Variants in NKAIN2 observed in about 807,000 individuals in gnomAD.
The protein encoded by NKAIN2 is sodium/potassium-transporting ATPase subunit beta-1-interacting protein 2.
NKAIN2 carries 14 observed loss-of-function variants against 32.6 expected under a neutral mutation model. The observed-to-expected ratio is 0.43, with a 90% confidence interval of 0.28 to 0.67. NKAIN2 has a LOEUF of 0.67. Among genes scored for constraint, NKAIN2 ranks in the 30% least tolerant of loss-of-function variants. The probability of loss-of-function intolerance (pLI) is 0.17; values close to 1 mark genes in which losing one functional copy is unlikely to be tolerated. For synonymous variants in NKAIN2, 80 were observed against 87.2 expected (o/e 0.92, Z 0.46); for missense variants, 198 against 258.3 (o/e 0.77, Z 1.60).
chr6:123,975,436 A>T, intron 1 of NKAIN2, among the ~76,000 whole-genome samples: 1 of 152,306 alleles, frequency 6.6e-6, no homozygotes, highest in East Asian at 1.9e-4. Context: ...TTAATTACAG[A>T]TTTAAAATCA....
intron 1 of NKAIN2, among the ~76,000 whole-genome samples, chr6:124,204,923 A>G (rs1790779219): frequency 6.6e-6 from 1 of 151,592 alleles, no homozygotes; most frequent in African/African-American, 2.4e-5. Context: ...GAGATTTTTT[A>G]TGTCATTATA....
At chr6:124,705,964 T>G (rs1449515755) in intron 4 of NKAIN2, among the ~76,000 whole-genome samples, 1 of 152,082 alleles carries the variant, frequency 6.6e-6, no homozygotes, top group Non-Finnish European at 1.5e-5. Flanking sequence ...ACACATACTG[T>G]TGGTGACCAT....
At chr6:124,312,035 G>C (rs1471816286) in intron 2 of NKAIN2, among the ~76,000 whole-genome samples, 4 of 152,014 alleles carry the variant, frequency 2.6e-5, no homozygotes, top group African/African-American at 9.7e-5. Context: ...GAGAGAAAGA[G>C]GTATATAAAT....
intron 1 of NKAIN2, among the ~76,000 whole-genome samples, chr6:124,186,980 T>A (rs1361107994): frequency 1.3e-5 from 2 of 152,268 alleles, no homozygotes; most frequent in South Asian, 2.1e-4. Flanking sequence ...TTTTTAAAAA[T>A]TTTTACTTAA....
intron 2 of NKAIN2, among the ~76,000 whole-genome samples, chr6:124,345,333 T>A (rs1798355508): frequency 6.6e-6 from 1 of 152,180 alleles, no homozygotes; most frequent in Non-Finnish European, 1.5e-5. Flanking sequence ...GGTATCAGGA[T>A]GATGCTGGCC....
chr6:123,842,338 T>C (rs538882580), intron 1 of NKAIN2, among the ~76,000 whole-genome samples: 54 of 152,298 alleles, frequency 3.5e-4, no homozygotes, highest in Non-Finnish European at 6.3e-4. Context: ...TCCTGGCTTG[T>C]AGATGGGCAC....
chr6:123,942,187 A>G (rs573284832), intron 1 of NKAIN2, among the ~76,000 whole-genome samples: 2 of 152,080 alleles, frequency 1.3e-5, no homozygotes, highest in South Asian at 2.1e-4. Flanking sequence ...TTATTTTTTC[A>G]TTTATGAAAT....
intron 2 of NKAIN2, among the ~76,000 whole-genome samples, chr6:124,343,773 T>C (rs9401732): frequency 0.14 from 20,487 of 149,252 alleles, 1,554 homozygotes; most frequent in African/African-American, 0.2. Context: ...TTCTCCCATT[T>C]TGTAGGTTGC....
intron 3 of NKAIN2, among the ~76,000 whole-genome samples, chr6:124,383,830 G>C (rs1284012053): frequency 6.6e-6 from 1 of 152,034 alleles, no homozygotes; most frequent in Non-Finnish European, 1.5e-5. Context: ...TTCCATACCT[G>C]GACTTGTTAG....
At chr6:124,687,570 T>TTCC (rs372591813) in intron 4 of NKAIN2, among the ~76,000 whole-genome samples, 68 of 1,954 alleles carry the variant, frequency 0.035, 6 homozygotes, top group East Asian at 0.08. Flanking sequence ...ATGGTATATA[T>TTCC]AATATATATT....
chr6:124,084,862 A>G (rs903674329), intron 1 of NKAIN2, among the ~76,000 whole-genome samples: 1 of 151,960 alleles, frequency 6.6e-6, no homozygotes, highest in Non-Finnish European at 1.5e-5. Context: ...AGAAAAAAAA[A>G]ATCTCTATGC....
chr6:124,472,719 A>T (rs975021149), intron 3 of NKAIN2, among the ~76,000 whole-genome samples: 7 of 7,712 alleles, frequency 9.1e-4, no homozygotes, highest in African/African-American at 1.8e-3. Flanking sequence ...GTAGGCAGAT[A>T]AAAAAAAAAA....
chr6:124,100,728 A>G (rs1784844629), intron 1 of NKAIN2, among the ~76,000 whole-genome samples: 1 of 152,222 alleles, frequency 6.6e-6, no homozygotes, highest in African/African-American at 2.4e-5. Flanking sequence ...ACGAGAAACT[A>G]TCAAACTCGG....
chr6:124,016,684 C>T (rs545264672), intron 1 of NKAIN2, among the ~76,000 whole-genome samples: 1 of 152,142 alleles, frequency 6.6e-6, no homozygotes, highest in South Asian at 2.1e-4. Context: ...ACTTTTTGAC[C>T]ATTTATTTTG....
chr6:124,301,260 C>T (rs564721983), intron 2 of NKAIN2, among the ~76,000 whole-genome samples: 20 of 152,230 alleles, frequency 1.3e-4, no homozygotes, highest in African/African-American at 3.9e-4. Context: ...GTTGAGCCTA[C>T]GGGTGCACAG....
At chr6:124,247,722 A>G (rs961079409) in intron 1 of NKAIN2, among the ~76,000 whole-genome samples, 6 of 152,116 alleles carry the variant, frequency 3.9e-5, no homozygotes, top group Non-Finnish European at 1.5e-5. Flanking sequence ...TAAAATTTAC[A>G]TGTGGCTGAT....
At chr6:124,734,095 T>C (rs1329206613) in intron 4 of NKAIN2, among the ~76,000 whole-genome samples, 1 of 103,188 alleles carries the variant, frequency 9.7e-6, no homozygotes, top group Non-Finnish European at 2.2e-5. Flanking sequence ...ACACACACAA[T>C]GATGGGGGTA....
At chr6:124,305,891 C>G (rs2753167) in intron 2 of NKAIN2, among the ~76,000 whole-genome samples, 8,281 of 152,110 alleles carry the variant, frequency 0.054, 594 homozygotes, top group African/African-American at 0.17. Context: ...TTATTGTCTC[C>G]CTTTCTTATT....
chr6:124,327,967 A>G (rs748153750), intron 2 of NKAIN2, among the ~76,000 whole-genome samples: 2 of 152,226 alleles, frequency 1.3e-5, no homozygotes, highest in Non-Finnish European at 2.9e-5. Flanking sequence ...TCAAGTATTT[A>G]GATAAACATT....
Sources: gnomAD v4.1 joint callset for allele counts (sites outside exome capture counted in the v4.1 genomes callset) on GRCh38, gnomAD v4.1.1 for gene constraint, MANE v1.5 for transcripts, NCBI Gene and HGNC (gene_info 2026-07-23, HGNC 2026-07-21) for gene names.